ST6GALNAC6: variants seen among roughly 807,000 people sequenced by gnomAD.
The protein encoded by ST6GALNAC6 is ST6 N-acetylgalactosaminide alpha-2,6-sialyltransferase 6, also known as alpha-N-acetylgalactosaminide alpha-2,6-sialyltransferase 6.
Under a neutral mutation model 34.3 loss-of-function variants are expected in ST6GALNAC6, and 19 were observed. That is an observed-to-expected ratio of 0.55 (90% confidence interval 0.39 to 0.81). The LOEUF (loss-of-function observed/expected upper bound fraction) is 0.81. ST6GALNAC6 is among the 40% of genes least tolerant of loss of function. The pLI is 0.00. For synonymous variants in ST6GALNAC6, 185 were observed against 182.1 expected, an observed-to-expected ratio of 1.02 and a Z score of -0.13; for missense variants, 377 against 467.7, an observed-to-expected ratio of 0.81 and a Z score of 1.79.
Position 127,886,754 on chromosome 9 carries a change from A to T in ST6GALNAC6, c.847T>A (p.Tyr283Asn). Residue 283 changes from tyrosine to asparagine, a missense_variant, in exon 7 of 7, where the codon TAC becomes AAC. Coordinates refer to ENST00000373146, the MANE Select transcript of ST6GALNAC6 (RefSeq NM_013443.5). ...RPRLQRMPYHYYEPKGPDECV... is the reference protein window; with the variant it reads ...RPRLQRMPYHNYEPKGPDECV... ...TCGTCCGGCCCCTTGGGCTCGTAGT[A>T]GTGGTAGGGCATGCGCTGGAGGCGG... 1 of 1,612,518 alleles carries T rather than the reference A, an allele frequency of 6.2e-7. No individual in the cohort carries two copies. Among genetic ancestry groups the T allele is most frequent in the African/African-American group, 1.3e-5 (1 of 74,998 alleles).
In ST6GALNAC6 at chr9:127,885,774, G is replaced by A. The variant is rs1234631407; in HGVS notation, c.*825C>T. On this transcript the variant is annotated 3_prime_UTR_variant, in exon 7 of 7. Coordinates refer to ENST00000373146, the MANE Select transcript of ST6GALNAC6 (RefSeq NM_013443.5). ...CTGAGGGGCTAAGAAAACAGCTTAA[G>A]GTTTTGTCCCGTTTCCTTCAGAGTC... The A allele has an allele frequency of 6.6e-6, 1 of 152,214 alleles. No individual in the cohort carries two copies. Among genetic ancestry groups the A allele is most frequent in the Non-Finnish European group, 1.5e-5 (1 of 68,050 alleles). The allele number at this position is 152,214 out of a possible 1,614,324, so 9.4% of individuals were successfully genotyped here.
chr9:127,892,569 C>T, intron 4 of ST6GALNAC6, among the ~76,000 whole-genome samples: 1 of 152,222 alleles, frequency 6.6e-6, no homozygotes, highest in East Asian at 1.9e-4. Context: ...TCACCCCCCG[C>T]ACACCTTTCT....
chr9:127,898,121 G>A lies in ST6GALNAC6; in HGVS notation c.-29-111C>T, dbSNP rs962650456. On this transcript the variant is annotated intron_variant, in intron 1 of 6. Coordinates refer to ENST00000373146, the MANE Select transcript of ST6GALNAC6 (RefSeq NM_013443.5). ...GAAAGTGCTCCCACATTGGCCGGGCGCGGTGGCTCACGTCTGTAATCCCAG... is the reference window on the plus strand; with the variant it reads ...GAAAGTGCTCCCACATTGGCCGGGCACGGTGGCTCACGTCTGTAATCCCAG... 40 of 674,284 alleles carry A rather than the reference G, an allele frequency of 5.9e-5. No homozygotes were observed. In the African/African-American group the frequency reaches 6.2e-4, roughly 10 times the overall value. The allele number at this position is 674,284 out of a possible 1,614,324, so 41.8% of individuals were successfully genotyped here.
upstream of ST6GALNAC6, chr9:127,905,856 A>G (rs1008375722): frequency 6.3e-6 from 5 of 792,926 alleles, no homozygotes; most frequent in Admixed American, 1.2e-4. Context: ...GAAAGAAGTC[A>G]GGCCTTGACT....
In ST6GALNAC6 at chr9:127,897,970, C is replaced by T. The variant is rs775105123; in HGVS notation, c.12G>A (p.Ser4=). 2 of 1,599,450 alleles carry T rather than the reference C, an allele frequency of 1.3e-6. No individual in the cohort carries two copies. The highest frequency in any genetic ancestry group is 1.1e-5 in the South Asian group (1 of 89,970). The change falls in exon 2 of 7, where the codon TCG becomes TCA. Residue 4 remains serine (S), a synonymous_variant. Transcript: ENST00000373146. The part of the protein sequence containing the change: MAC[S]RPPSQCEPTS... The stretch of plus-strand genomic sequence containing the variant: ...TCACCACTTACTGGCTGGGGGGCCT[C>T]GAGCAAGCCATGTGACCTCTCTGAG...
In ST6GALNAC6 at chr9:127,890,680, G is replaced by A. The variant is rs766414336; in HGVS notation, c.661C>T (p.Arg221Trp). 11 of 1,613,282 alleles carry A rather than the reference G, an allele frequency of 6.8e-6. No individual in the cohort carries two copies. The highest frequency in any genetic ancestry group is 4.0e-5 in the African/African-American group (3 of 74,932). Residue 221 changes from arginine to tryptophan, a missense_variant, in exon 5 of 7, where the codon CGG becomes TGG. Coordinates refer to ENST00000373146, the MANE Select transcript of ST6GALNAC6 (RefSeq NM_013443.5). This position sits in a 1 kb window ranked among gnomAD's most constrained non-coding sequence, Gnocchi z 4.3. ...CCCCGGAAGAGGTCGTCAAATTGCC[G>A]CATGCGGCCGGGAGAGACGGCATAT... ...EAYAVSPGRMRQFDDLFRGET... is the reference protein window; with the variant it reads ...EAYAVSPGRMWQFDDLFRGET...
At chr9:127,888,391 C>T (rs1052303707) in intron 5 of ST6GALNAC6, among the ~76,000 whole-genome samples, 1 of 150,810 alleles carries the variant, frequency 6.6e-6, no homozygotes, top group African/African-American at 2.4e-5. Flanking sequence ...GTAGTCCCAG[C>T]TACATGGGAG....
At chr9:127,899,392 G>T (rs1830659972) in intron 1 of ST6GALNAC6, 111 bp downstream of exon 1, 1 of 600,714 alleles carries the variant, frequency 1.7e-6, no homozygotes, top group Non-Finnish European at 2.1e-6. Context: ...CGGGGGACCC[G>T]CATCCATCCC....
At chr9:127,887,462 G>A in intron 6 of ST6GALNAC6, 22 bp downstream of exon 6, 1 of 1,595,108 alleles carries the variant, frequency 6.3e-7, no homozygotes, top group Non-Finnish European at 8.6e-7. Context: ...GTCCTGGGAG[G>A]GCGCTGGCAA....
intron 3 of ST6GALNAC6, among the ~76,000 whole-genome samples, chr9:127,895,082 C>CT (rs1295675721): frequency 1.3e-5 from 2 of 152,208 alleles, no homozygotes; most frequent in Non-Finnish European, 2.9e-5. Flanking sequence ...GTGAGAGGGT[C>CT]TAGGTCTTCC....
chr9:127,902,782 T>G (rs1830803295), upstream of ST6GALNAC6, among the ~76,000 whole-genome samples: 1 of 150,084 alleles, frequency 6.7e-6, no homozygotes, highest in East Asian at 2.0e-4. Context: ...GAAACGAGGT[T>G]TCACCATGTT....
rs1363383046 is a variant in ST6GALNAC6 at position 127,897,972 on chromosome 9, A to G, written c.10T>C (p.Ser4Pro). 1.3e-6 allele frequency: 2 copies of G among 1,596,626 alleles called. No individual in the cohort carries two copies. The highest frequency in any genetic ancestry group is 1.7e-6 in the Non-Finnish European group (2 of 1,166,900). Residue 4 changes from serine (S) to proline (P), a missense_variant, in exon 2 of 7, where the codon TCG (serine) becomes CCG (proline). Physicochemically the swap from Ser to Pro is moderately conservative, Grantham distance 74. Coordinates refer to ENST00000373146, the MANE Select transcript of ST6GALNAC6 (RefSeq NM_013443.5). ...ACCACTTACTGGCTGGGGGGCCTCG[A>G]GCAAGCCATGTGACCTCTCTGAGCC... Reference protein sequence around the residue: MACSRPPSQCEPTS... With the variant: MACPRPPSQCEPTS...
Position 127,886,498 on chromosome 9 carries a change from C to T in ST6GALNAC6, c.*101G>A. ...CAAGGCCCTGATTGGCTGGGAGACA[C>T]TCCAGCAAGCCTTGATTGGCCAGAA... On this transcript the variant is annotated 3_prime_UTR_variant, in exon 7 of 7. Coordinates refer to ENST00000373146, the MANE Select transcript of ST6GALNAC6 (RefSeq NM_013443.5). 2.0e-6 allele frequency: 3 copies of T among 1,523,166 alleles called. No individual in the cohort carries two copies. The highest frequency in any genetic ancestry group is 2.6e-6 in the Non-Finnish European group (3 of 1,135,208). The allele number at this position is 1,523,166 out of a possible 1,614,324, so 94.4% of individuals were successfully genotyped here.
chr9:127,900,468 G>T (rs1038561402), upstream of ST6GALNAC6, among the ~76,000 whole-genome samples: 2 of 146,126 alleles, frequency 1.4e-5, no homozygotes, highest in African/African-American at 5.0e-5. Context: ...GCTGAGGCAG[G>T]AGAATCGCTT....
chr9:127,889,429 A>G (rs903616395), intron 5 of ST6GALNAC6, among the ~76,000 whole-genome samples: 2 of 132,932 alleles, frequency 1.5e-5, no homozygotes, highest in East Asian at 4.5e-4. Flanking sequence ...ACAAAAATCA[A>G]TTTCTCTTTT....
rs951490843 is a variant in ST6GALNAC6 at position 127,899,487 on chromosome 9, C to A, written c.-30+16G>T. 2.1e-6 allele frequency: 2 copies of A among 975,232 alleles called. No individual in the cohort carries two copies. The highest frequency in any genetic ancestry group is 1.8e-5 in the African/African-American group (1 of 56,856). 60.4% of individuals were successfully genotyped at this position (975,232 alleles called of 1,614,324 possible). ...CCCCCGCCCCCGCGGCCTGCTCCCG[C>A]GCGGCGCCTGCTCACCTCCGGCGGG... On this transcript the variant is annotated intron_variant, in intron 1 of 6. Transcript: ENST00000373146.
At chr9:127,895,631 CTATTA>C (rs950721194) in intron 3 of ST6GALNAC6, among the ~76,000 whole-genome samples, 1 of 152,194 alleles carries the variant, frequency 6.6e-6, no homozygotes, top group Non-Finnish European at 1.5e-5. Flanking sequence ...CTCTAGTGTC[CTATTA>C]TAGTCAATAA....
At position 127,890,525 on chromosome 9, in the gene ST6GALNAC6, G is replaced by T; in HGVS notation, c.704+112C>A. On this transcript the variant is annotated intron_variant, in intron 5 of 6. Coordinates refer to ENST00000373146, the MANE Select transcript of ST6GALNAC6 (RefSeq NM_013443.5). This position sits in a 1 kb window ranked among gnomAD's most constrained non-coding sequence, Gnocchi z 4.3. ...TAGGAGGCCCAACCAGAGGACGGCGGGACTTGACTACCCCTCAGAGCAGTG... is the reference window on the plus strand; with the variant it reads ...TAGGAGGCCCAACCAGAGGACGGCGTGACTTGACTACCCCTCAGAGCAGTG... 1 of 1,488,978 alleles carries T rather than the reference G, an allele frequency of 6.7e-7. No homozygotes were observed. The highest frequency in any genetic ancestry group is 9.1e-7 in the Non-Finnish European group (1 of 1,097,022). The allele number at this position is 1,488,978 out of a possible 1,614,324, so 92.2% of individuals were successfully genotyped here.
chr9:127,890,834 C>T lies in ST6GALNAC6; in HGVS notation c.507G>A (p.Gln169=), dbSNP rs776406277. 3 of 1,614,190 alleles carry T rather than the reference C, an allele frequency of 1.9e-6. No individual in the cohort carries two copies. Among genetic ancestry groups the T allele is most frequent in the Non-Finnish European group, 2.5e-6 (3 of 1,180,014 alleles). ...TTTCAGGGGTCCGGTTGACAAACTC[C>T]TGGGGCCTCCTCAGCACGCGGAACA... ...SSVFRVLRRP[Q]EFVNRTPETV... Residue 169 remains glutamine (Q), a synonymous_variant, in exon 5 of 7, where the codon CAG becomes CAA. Coordinates refer to ENST00000373146, the MANE Select transcript of ST6GALNAC6 (RefSeq NM_013443.5). The surrounding 1 kb of genome is among the most constrained non-coding windows in gnomAD (Gnocchi z 4.3).
Sources: gnomAD v4.1 joint callset for allele counts (sites outside exome capture counted in the v4.1 genomes callset) on GRCh38, gnomAD v4.1.1 for gene constraint, Gnocchi (gnomAD v3.1) non-coding constraint, MANE v1.5 for transcripts, NCBI Gene and HGNC (gene_info 2026-07-23, HGNC 2026-07-21) for gene names.